Variants in CNTNAP5 observed in about 807,000 individuals in gnomAD.
The protein encoded by CNTNAP5 is contactin-associated protein-like 5.
A neutral mutation model predicts 150.2 loss-of-function variants in CNTNAP5; 72 were observed. That is an observed-to-expected ratio of 0.48 (90% CI 0.40 to 0.58). The LOEUF (loss-of-function observed/expected upper bound fraction) is 0.58, where lower values mean the gene tolerates loss of function less well. Ranked by LOEUF, CNTNAP5 falls within the 20% of genes least tolerant of loss-of-function variation. The pLI, the probability that CNTNAP5 is intolerant of heterozygous loss-of-function variation, is 0.00. For missense variants in CNTNAP5, 1,636 were observed against 1,626.2 expected, an observed-to-expected ratio of 1.01 and a Z score of -0.10; for synonymous variants, 672 against 619.8, an observed-to-expected ratio of 1.08 and a Z score of -1.25.
At chr2:124,478,701 C>T (rs1285152880) in intron 7 of CNTNAP5, among the ~76,000 whole-genome samples, 2 of 152,156 alleles carry the variant, frequency 1.3e-5, no homozygotes. Context: ...TGCTCCATCA[C>T]TAAGTCACTG....
chr2:124,916,624 G>C lies in CNTNAP5; in HGVS notation c.*2336G>C, dbSNP rs1678774486. Among the ~76,000 whole-genome samples, 1 of 152,050 alleles carries C rather than the reference G, an allele frequency of 6.6e-6. No homozygotes were observed. The highest frequency in any genetic ancestry group is 1.5e-5 in the Non-Finnish European group (1 of 67,962). On this transcript the variant is annotated 3_prime_UTR_variant, in exon 24 of 24. Coordinates refer to ENST00000682447, the MANE Select transcript of CNTNAP5 (RefSeq NM_001367498.1). ...ATAGAAGAAATGGAGACTAGCAAAG[G>C]CTAACTCAGAGTATTTGATTTTCTC... is the stretch of plus-strand genomic sequence containing the variant.
intron 19 of CNTNAP5, among the ~76,000 whole-genome samples, chr2:124,858,991 G>A (rs997775499): frequency 6.6e-6 from 1 of 152,106 alleles, no homozygotes; most frequent in African/African-American, 2.4e-5. Context: ...TCAGGACATA[G>A]GCATGGGCAA....
At chr2:124,884,797 T>TA (rs1678045052) in intron 21 of CNTNAP5, among the ~76,000 whole-genome samples, 1 of 152,030 alleles carries the variant, frequency 6.6e-6, no homozygotes, top group Non-Finnish European at 1.5e-5. Flanking sequence ...TACTCTCACC[T>TA]ACCTGTAATA....
chr2:124,782,214 C>A (rs1681467499), intron 17 of CNTNAP5, among the ~76,000 whole-genome samples: 1 of 152,094 alleles, frequency 6.6e-6, no homozygotes, highest in African/African-American at 2.4e-5. Flanking sequence ...TTATCTTCTG[C>A]AAAGCCACCT....
chr2:124,168,849 C>T (rs774811974), intron 1 of CNTNAP5, among the ~76,000 whole-genome samples: 1 of 152,144 alleles, frequency 6.6e-6, no homozygotes, highest in Non-Finnish European at 1.5e-5. Context: ...TTAATACATA[C>T]TGTCAATTGA....
chr2:124,554,566 G>A (rs1328805662), intron 10 of CNTNAP5, among the ~76,000 whole-genome samples: 2 of 151,636 alleles, frequency 1.3e-5, no homozygotes, highest in South Asian at 4.2e-4. Context: ...GACTATAGGC[G>A]TGCACCTCCA....
At chr2:124,590,605 A>T (rs1201317299) in intron 11 of CNTNAP5, among the ~76,000 whole-genome samples, 1 of 152,224 alleles carries the variant, frequency 6.6e-6, no homozygotes, top group Non-Finnish European at 1.5e-5. Flanking sequence ...CTTCACAAGC[A>T]TTTACTTAAT....
chr2:124,379,304 C>T (rs916892934), intron 3 of CNTNAP5, among the ~76,000 whole-genome samples: 1 of 152,030 alleles, frequency 6.6e-6, no homozygotes, highest in Non-Finnish European at 1.5e-5. Flanking sequence ...ATCTGCACTA[C>T]CCTAAACAGC....
intron 13 of CNTNAP5, among the ~76,000 whole-genome samples, chr2:124,678,255 G>A (rs72845874): frequency 0.021 from 3,262 of 151,912 alleles, 59 homozygotes; most frequent in Middle Eastern, 0.037. Flanking sequence ...TTGTGCCTGA[G>A]TATGTCAGGA....
chr2:124,189,822 C>T (rs1172932394), intron 1 of CNTNAP5, among the ~76,000 whole-genome samples: 1 of 152,126 alleles, frequency 6.6e-6, no homozygotes, highest in African/African-American at 2.4e-5. Context: ...ATGGGTTCAT[C>T]TAAAGGGCAT....
At chr2:124,270,436 A>G (rs1316279980) in intron 3 of CNTNAP5, among the ~76,000 whole-genome samples, 1 of 152,228 alleles carries the variant, frequency 6.6e-6, no homozygotes, top group Non-Finnish European at 1.5e-5. Context: ...CATTTCAGAG[A>G]TCACAGTGAG....
intron 1 of CNTNAP5, among the ~76,000 whole-genome samples, chr2:124,148,726 CTTT>C (rs1684323613): frequency 6.6e-6 from 1 of 150,444 alleles, no homozygotes; most frequent in Non-Finnish European, 1.5e-5. Context: ...TGATAATGCT[CTTT>C]TATCTCATAT....
chr2:124,683,867 T>C (rs1357308866), intron 13 of CNTNAP5, among the ~76,000 whole-genome samples: 4 of 152,196 alleles, frequency 2.6e-5, no homozygotes, highest in Non-Finnish European at 5.9e-5. Context: ...GACTAATCAT[T>C]TTACTTTATT....
chr2:124,319,371 T>C (rs1327552567), intron 3 of CNTNAP5, among the ~76,000 whole-genome samples: 2 of 152,234 alleles, frequency 1.3e-5, no homozygotes, highest in African/African-American at 2.4e-5. Context: ...CATTCCCTGT[T>C]AAAGGTATCA....
chr2:124,194,366 C>CATAT (rs1189694569), intron 1 of CNTNAP5, among the ~76,000 whole-genome samples: 21 of 101,198 alleles, frequency 2.1e-4, no homozygotes, highest in African/African-American at 7.5e-4. Flanking sequence ...TAAATTAGGT[C>CATAT]ATATATATAT....
chr2:124,310,277 G>A (rs2104656316), intron 3 of CNTNAP5, among the ~76,000 whole-genome samples: 1 of 152,164 alleles, frequency 6.6e-6, no homozygotes, highest in South Asian at 2.1e-4. Flanking sequence ...TAGATTGTAG[G>A]TGGAAGTGTG....
intron 1 of CNTNAP5, among the ~76,000 whole-genome samples, chr2:124,074,435 T>G (rs536237322): frequency 5.9e-5 from 9 of 152,260 alleles, no homozygotes; most frequent in African/African-American, 2.2e-4. Context: ...CATGCCTATA[T>G]CAAAGTATCT....
intron 7 of CNTNAP5, among the ~76,000 whole-genome samples, chr2:124,496,580 C>T (rs1694152983): frequency 6.6e-6 from 1 of 152,160 alleles, no homozygotes; most frequent in Non-Finnish European, 1.5e-5. Flanking sequence ...AACAGCTCAG[C>T]ACAGTAATGT....
At chr2:124,648,640 A>G (rs191571047) in intron 13 of CNTNAP5, among the ~76,000 whole-genome samples, 6 of 152,244 alleles carry the variant, frequency 3.9e-5, no homozygotes, top group African/African-American at 9.6e-5. Flanking sequence ...GAAAAGGAAA[A>G]AAAACAAAAC....
Sources: allele counts gnomAD v4.1 joint callset (sites outside exome capture counted in the v4.1 genomes callset), GRCh38; gene constraint gnomAD v4.1.1; transcripts MANE v1.5; gene names NCBI Gene and HGNC (gene_info 2026-07-23, HGNC 2026-07-21).